Variants in CEP112 observed in about 807,000 individuals in gnomAD.
CEP112 encodes the protein centrosomal protein of 112 kDa.
CEP112 carries 127 observed loss-of-function variants against 153.0 expected under a neutral mutation model. The ratio of observed to expected loss-of-function variants is 0.83; its 90% CI spans 0.72 to 0.96. The LOEUF (loss-of-function observed/expected upper bound fraction) is 0.96, where lower values mean the gene tolerates loss of function less well. Ranked by LOEUF, CEP112 falls within the 40% of genes least tolerant of loss-of-function variation. CEP112 has a pLI of 0.00. For synonymous variants in CEP112, 358 were observed against 374.4 expected (o/e 0.96, Z 0.51); for missense variants, 1,089 against 1,101.2 (o/e 0.99, Z 0.16).
intron 12 of CEP112, among the ~76,000 whole-genome samples, chr17:66,034,552 T>C (rs748799708): frequency 2.7e-5 from 4 of 150,060 alleles, no homozygotes; most frequent in Non-Finnish European, 5.9e-5. Flanking sequence ...AAAGGGTTTC[T>C]GTTAGCCAGA....
chr17:65,759,003 A>G (rs1299024112), intron 21 of CEP112, among the ~76,000 whole-genome samples: 4 of 152,160 alleles, frequency 2.6e-5, no homozygotes, highest in Admixed American at 6.5e-5. Flanking sequence ...GGCACAAGAT[A>G]CAGGTCATAC....
At chr17:65,954,778 C>T (rs1041237900) in intron 18 of CEP112, among the ~76,000 whole-genome samples, 1 of 151,972 alleles carries the variant, frequency 6.6e-6, no homozygotes, top group African/African-American at 2.4e-5. Flanking sequence ...AGCTCAAAGA[C>T]AAGGCTTTCA....
Position 66,006,522 on chromosome 17 carries a change from C to T in CEP112, c.1657-753G>A, listed in dbSNP as rs184206505. Among the ~76,000 whole-genome samples the T allele has an allele frequency of 2.2e-3, 342 of 152,088 alleles. 3 individuals carry two copies. Among genetic ancestry groups the T allele is most frequent in the African/African-American group, 8.0e-3 (332 of 41,480 alleles). ...TCAGGAGGCTGAGGCAGGAGAATCG[C>T]TTGAACCCAGGAGGTGGAGGTTGCA... On this transcript the variant is annotated intron_variant, in intron 16 of 26. Coordinates refer to ENST00000535342, the MANE Select transcript of CEP112 (RefSeq NM_001199165.4).
Position 65,786,572 on chromosome 17 carries a change from C to CTT in CEP112, c.2395-35850_2395-35849dup, listed in dbSNP as rs1195368604. Among the ~76,000 whole-genome samples, 171 of 101,580 alleles carry CTT rather than the reference C, an allele frequency of 1.7e-3. 3 individuals are homozygous for CTT. The highest frequency in any genetic ancestry group is 7.2e-3 in the South Asian group (21 of 2,934). 66.6% of individuals were successfully genotyped at this position (101,580 alleles called of 152,430 possible). On this transcript the variant is annotated intron_variant, in intron 21 of 26. Coordinates refer to ENST00000535342, the MANE Select transcript of CEP112 (RefSeq NM_001199165.4). ...AATGCTGTTTTGTCTTTAGCCAATT[C>CTT]TTTTTTTTTTTTTTTTTTTTGCTGT...
intron 22 of CEP112, among the ~76,000 whole-genome samples, chr17:65,746,081 C>A (rs1895756728): frequency 7.2e-6 from 1 of 139,508 alleles, no homozygotes. Flanking sequence ...TGGAGAATCA[C>A]TTGAACCCGG....
intron 16 of CEP112, among the ~76,000 whole-genome samples, chr17:66,018,736 A>T (rs1380269684): frequency 1.3e-5 from 2 of 152,208 alleles, no homozygotes; most frequent in African/African-American, 2.4e-5. Flanking sequence ...ACTATATTTT[A>T]AGGATTGTGA....
At chr17:65,806,618 T>C (rs1437961715) in intron 21 of CEP112, among the ~76,000 whole-genome samples, 7 of 152,172 alleles carry the variant, frequency 4.6e-5, no homozygotes, top group African/African-American at 1.4e-4. Flanking sequence ...GTTCTTGTGA[T>C]AGTGAGTGAG....
chr17:65,649,077 C>CAAACAA (rs1567808320), intron 24 of CEP112, among the ~76,000 whole-genome samples: 209 of 95,842 alleles, frequency 2.2e-3, no homozygotes, highest in African/African-American at 4.9e-3. Flanking sequence ...CAAACAAACA[C>CAAACAA]ACACACACAC....
chr17:65,769,055 A>G (rs568680274), intron 21 of CEP112, among the ~76,000 whole-genome samples: 2 of 152,128 alleles, frequency 1.3e-5, no homozygotes, highest in African/African-American at 4.8e-5. Flanking sequence ...GCACACAAAA[A>G]CCTATTAGAT....
At chr17:65,638,649 C>T (rs2044913164) in intron 25 of CEP112, among the ~76,000 whole-genome samples, 1 of 152,180 alleles carries the variant, frequency 6.6e-6, no homozygotes, top group African/African-American at 2.4e-5. Flanking sequence ...CAACTTCCCT[C>T]CCCCAACCAT....
In CEP112 at chr17:66,191,312, C is replaced by T. The variant is rs1483311056; in HGVS notation, c.-9+685G>A. Among the ~76,000 whole-genome samples the T allele has an allele frequency of 6.6e-6, 1 of 152,142 alleles. No individual in the cohort carries two copies. Among genetic ancestry groups the T allele is most frequent in the African/African-American group, 2.4e-5 (1 of 41,436 alleles). On this transcript the variant is annotated intron_variant, in intron 1 of 26. Transcript: ENST00000535342. The surrounding 1 kb of genome is among the most constrained non-coding windows in gnomAD (Gnocchi z 4.2). ...GAGAGGCTCATGGAATTTAATGTGC[C>T]TTTTCTATCTTATTTTGACTCATCT... is the stretch of plus-strand genomic sequence containing the variant.
chr17:65,902,102 T>C (rs986643719), intron 20 of CEP112, 50 bp downstream of exon 20: 8 of 1,407,848 alleles, frequency 5.7e-6, no homozygotes, highest in Non-Finnish European at 5.9e-6. Context: ...TAAACGCTGA[T>C]GACTTTTTAA....
intron 24 of CEP112, among the ~76,000 whole-genome samples, chr17:65,643,597 G>T (rs552513055): frequency 6.6e-6 from 1 of 152,140 alleles, no homozygotes. Flanking sequence ...CATGACACCC[G>T]GGCCCCCTGG....
intron 6 of CEP112, among the ~76,000 whole-genome samples, chr17:66,128,611 G>A (rs1451216872): frequency 6.6e-6 from 1 of 152,130 alleles, no homozygotes; most frequent in African/African-American, 2.4e-5. Context: ...GGAAGACAAT[G>A]TACCAAAGAT....
chr17:65,957,036 C>A (rs373206889), intron 18 of CEP112, among the ~76,000 whole-genome samples: 2 of 152,032 alleles, frequency 1.3e-5, no homozygotes, highest in African/African-American at 4.8e-5. Flanking sequence ...CAGAGCAGGA[C>A]GGCATGAGAT....
At chr17:66,108,234 AGTGGG>A in intron 6 of CEP112, among the ~76,000 whole-genome samples, 1 of 152,146 alleles carries the variant, frequency 6.6e-6, no homozygotes, top group Non-Finnish European at 1.5e-5. Flanking sequence ...AGGACATTGG[AGTGGG>A]CAAAGATTTC....
intron 4 of CEP112, among the ~76,000 whole-genome samples, chr17:66,153,593 T>G (rs777672702): frequency 6.6e-6 from 1 of 151,976 alleles, no homozygotes; most frequent in South Asian, 2.1e-4. Context: ...TATCTCAACA[T>G]GCACGCACAC....
At chr17:65,935,127 C>A (rs1405745337) in intron 18 of CEP112, among the ~76,000 whole-genome samples, 1 of 152,008 alleles carries the variant, frequency 6.6e-6, no homozygotes, top group Non-Finnish European at 1.5e-5. Flanking sequence ...GGACACAGAG[C>A]CAAACCATAT....
intron 24 of CEP112, among the ~76,000 whole-genome samples, chr17:65,671,794 G>C (rs564404046): frequency 6.6e-6 from 1 of 152,220 alleles, no homozygotes; most frequent in East Asian, 1.9e-4. Context: ...GAATGAAGGT[G>C]ATGTGTCTGA....
Sources: gnomAD v4.1 joint callset for allele counts (sites outside exome capture counted in the v4.1 genomes callset) on GRCh38, gnomAD v4.1.1 for gene constraint, Gnocchi (gnomAD v3.1) non-coding constraint, MANE v1.5 for transcripts, NCBI Gene and HGNC (gene_info 2026-07-23, HGNC 2026-07-21) for gene names.